CCAR1: variants seen among roughly 807,000 people sequenced by gnomAD.
CCAR1 encodes the protein cell division cycle and apoptosis regulator protein 1.
Under a neutral mutation model 163.8 loss-of-function variants are expected in CCAR1, and 78 were observed. The ratio of observed to expected loss-of-function variants is 0.48; its 90% CI spans 0.40 to 0.57. CCAR1 has a LOEUF of 0.57. Ranked by LOEUF, CCAR1 falls within the 20% of genes least tolerant of loss-of-function variation. The pLI is 0.00. For synonymous variants in CCAR1, 443 were observed against 460.7 expected (o/e 0.96, Z 0.49); for missense variants, 1,019 against 1,365.2 (o/e 0.75, Z 4.00).
chr10:68,773,210 AAG>A (rs2133402877), intron 19 of CCAR1, 111 bp downstream of exon 19: 1 of 601,268 alleles, frequency 1.7e-6, no homozygotes, highest in Non-Finnish European at 2.9e-6. Context: ...TTAGAATAGA[AAG>A]AGTAATATAC....
At chr10:68,754,128 A>C in intron 11 of CCAR1, 51 bp downstream of exon 11, 1 of 1,247,894 alleles carries the variant, frequency 8.0e-7, no homozygotes, top group African/African-American at 1.5e-5. Flanking sequence ...AGTTATTCAT[A>C]ATAAAAGGGT....
Position 68,742,372 on chromosome 10 carries a change from A to C in CCAR1, c.325-4A>C, listed in dbSNP as rs772488840. 1.9e-6 allele frequency: 3 copies of C among 1,577,140 alleles called. No individual in the cohort carries two copies. Among genetic ancestry groups the C allele is most frequent in the South Asian group, 2.3e-5 (2 of 85,896 alleles). On this transcript the variant is annotated splice_region_variant and splice_polypyrimidine_tract_variant and intron_variant, in intron 5 of 24. Coordinates refer to ENST00000265872, the MANE Select transcript of CCAR1 (RefSeq NM_018237.4). ...CTTAATTTGATGTTGATTTTGTTTT[A>C]TAGCCAGCTGTTGCACTGCCTACAA...
chr10:68,791,266 A>G lies in CCAR1; in HGVS notation c.3453A>G (p.Ter1151TrpextTer1). ...QKSKENGASV[*>W] ...CCAAGGAGAATGGTGCCAGTGTATG[A>G]TAAAATCCATGTAGTGATGAGGAAT... The change falls in exon 25 of 25, where the codon TGA becomes TGG. Residue 1151 changes from the stop codon to tryptophan (W), a stop_lost. Coordinates refer to ENST00000265872, the MANE Select transcript of CCAR1 (RefSeq NM_018237.4). 1.3e-6 allele frequency: 2 copies of G among 1,588,608 alleles called. No individual in the cohort carries two copies. Among genetic ancestry groups the G allele is most frequent in the Non-Finnish European group, 1.7e-6 (2 of 1,160,224 alleles).
At chr10:68,758,649 A>ATATATATATATGTATATATACACACGTG (rs2056429166) in intron 15 of CCAR1, among the ~76,000 whole-genome samples, 4 of 80,034 alleles carry the variant, frequency 5.0e-5, no homozygotes, top group Middle Eastern at 9.3e-3. Context: ...ACACACGTGT[A>ATATATATATATGTATATATACACACGTG]TATATATATA....
chr10:68,786,316 T>C, intron 20 of CCAR1, 98 bp downstream of exon 20: 1 of 902,244 alleles, frequency 1.1e-6, no homozygotes, highest in Non-Finnish European at 1.7e-6. Flanking sequence ...TACATCTTTA[T>C]TACCACTAAG....
Position 68,737,056 on chromosome 10 carries a change from T to A in CCAR1, c.246+8T>A. On this transcript the variant is annotated splice_region_variant and intron_variant, in intron 3 of 24. Transcript: ENST00000265872. ...GCAGCTGCATTACAACAGGTAAATC[T>A]TTAATATGTCTTATTATTTGATGTA... The A allele has an allele frequency of 2.5e-6, 4 of 1,600,892 alleles. No homozygotes were observed.
At chr10:68,723,585 A>C (rs920349315) in intron 2 of CCAR1, among the ~76,000 whole-genome samples, 1 of 150,824 alleles carries the variant, frequency 6.6e-6, no homozygotes, top group Admixed American at 6.6e-5. Context: ...GCGGTGACTC[A>C]TGCCTGTAAT....
At chr10:68,746,432 A>G (rs965091117) in intron 6 of CCAR1, among the ~76,000 whole-genome samples, 12 of 151,540 alleles carry the variant, frequency 7.9e-5, no homozygotes, top group African/African-American at 2.7e-4. Flanking sequence ...GTTTCACCGC[A>G]TTGGTCAGGC....
chr10:68,739,039 T>TTCA (rs1356583132), intron 4 of CCAR1, among the ~76,000 whole-genome samples: 1 of 152,192 alleles, frequency 6.6e-6, no homozygotes, highest in Non-Finnish European at 1.5e-5. Context: ...AAAAGCAAGT[T>TTCA]TCATTGGACC....
Position 68,747,356 on chromosome 10 carries a change from T to C in CCAR1, c.634-18T>C, listed in dbSNP as rs377059355. The C allele has an allele frequency of 1.1e-4, 184 of 1,604,706 alleles. No homozygotes were observed. The highest frequency in any genetic ancestry group is 1.4e-4 in the Non-Finnish European group (163 of 1,176,090). ...TCACAAAGATTTTTTTTCTTATTCT[T>C]TCATTTTTTAATTGAAGAATCAGTC... On this transcript the variant is annotated intron_variant, in intron 7 of 24. Coordinates refer to ENST00000265872, the MANE Select transcript of CCAR1 (RefSeq NM_018237.4).
At chr10:68,771,593 C>A in intron 18 of CCAR1, 148 bp downstream of exon 18, 1 of 767,916 alleles carries the variant, frequency 1.3e-6, no homozygotes, top group Non-Finnish European at 2.1e-6. Flanking sequence ...ACCATCACAG[C>A]TAACACAGTG....
At chr10:68,731,591 G>GTTTTT (rs67032408) in intron 2 of CCAR1, among the ~76,000 whole-genome samples, 53 of 75,586 alleles carry the variant, frequency 7.0e-4, no homozygotes, top group South Asian at 1.5e-3. Flanking sequence ...TCTTGTTTCT[G>GTTTTT]TTTTTTTTTT....
chr10:68,766,215 T>A lies in CCAR1; in HGVS notation c.2298+136T>A, dbSNP rs528986533. On this transcript the variant is annotated intron_variant, in intron 17 of 24. Coordinates refer to ENST00000265872, the MANE Select transcript of CCAR1 (RefSeq NM_018237.4). ...TTTTTGTTTTGTTTTGTTTTTGTTT[T>A]TTTTTGAGACAGAGTTTCACTCTGT... 9.3e-5 allele frequency: 59 copies of A among 631,510 alleles called. No individual in the cohort carries two copies. In the Middle Eastern group the frequency reaches 1.3e-3, roughly 14 times the overall value. The allele number at this position is 631,510 out of a possible 1,614,324, so 39.1% of individuals were successfully genotyped here.
At chr10:68,736,034 G>A (rs1333195934) in intron 2 of CCAR1, among the ~76,000 whole-genome samples, 2 of 151,916 alleles carry the variant, frequency 1.3e-5, no homozygotes, top group Non-Finnish European at 2.9e-5. Context: ...TGTATTTTTA[G>A]TAGAGATGGG....
At chr10:68,755,257 C>G in intron 12 of CCAR1, 113 bp from the exon 13 acceptor site, 1 of 936,238 alleles carries the variant, frequency 1.1e-6, no homozygotes, top group Non-Finnish European at 1.8e-6. Flanking sequence ...CTGACAGATA[C>G]CAGAGGTAGT....
At chr10:68,765,225 C>T (rs2056521926) in intron 16 of CCAR1, among the ~76,000 whole-genome samples, 1 of 152,124 alleles carries the variant, frequency 6.6e-6, no homozygotes, top group Non-Finnish European at 1.5e-5. Flanking sequence ...ATGAGCTTTG[C>T]AAGTTTGTAA....
chr10:68,752,883 A>AATAGATAG (rs36140870), intron 10 of CCAR1, among the ~76,000 whole-genome samples: 4,789 of 142,354 alleles, frequency 0.034, 111 homozygotes, highest in East Asian at 0.042. Context: ...GATAGGATAG[A>AATAGATAG]ATAGATAGAT....
At chr10:68,771,164 C>T in intron 17 of CCAR1, 42 bp from the exon 18 acceptor site, 1 of 1,507,706 alleles carries the variant, frequency 6.6e-7, no homozygotes, top group Non-Finnish European at 8.9e-7. Context: ...TTTATTATTT[C>T]TGTTGAAATT....
chr10:68,732,702 G>A (rs1435759519), intron 2 of CCAR1, among the ~76,000 whole-genome samples: 2 of 152,054 alleles, frequency 1.3e-5, no homozygotes, highest in Non-Finnish European at 2.9e-5. Context: ...TTTGAAAATC[G>A]GATGACAGCT....
Sources: allele counts gnomAD v4.1 joint callset (sites outside exome capture counted in the v4.1 genomes callset), GRCh38; gene constraint gnomAD v4.1.1; transcripts MANE v1.5; gene names NCBI Gene and HGNC (gene_info 2026-07-23, HGNC 2026-07-21).